The following GABRA2 variants were observed in gnomAD, a reference collection of about 807,000 sequenced individuals.
GABRA2 encodes gamma-aminobutyric acid type A receptor subunit alpha2.
A neutral mutation model predicts 48.7 loss-of-function variants in GABRA2; 16 were observed. That is an observed-to-expected ratio of 0.33 (90% CI 0.22 to 0.50). The LOEUF is 0.50. GABRA2 is among the 20% of genes least tolerant of loss of function. The pLI is 0.98. For synonymous variants in GABRA2, 185 were observed against 184.5 expected (o/e 1.00, Z -0.02); for missense variants, 275 against 535.6 (o/e 0.51, Z 4.80).
At chr4:46,291,805 A>ATG (rs1723715180) in intron 8 of GABRA2, among the ~76,000 whole-genome samples, 2 of 150,432 alleles carry the variant, frequency 1.3e-5, no homozygotes, top group Admixed American at 1.3e-4. Context: ...ATACATATAT[A>ATG]TGTGTATATA....
chr4:46,361,911 T>A (rs148422472), intron 3 of GABRA2, among the ~76,000 whole-genome samples: 39 of 152,358 alleles, frequency 2.6e-4, no homozygotes, highest in African/African-American at 9.4e-4. Context: ...CTGTAGGCCC[T>A]TTGTTTTGGC....
chr4:46,280,717 T>C (rs1721372060), intron 8 of GABRA2, among the ~76,000 whole-genome samples: 1 of 152,196 alleles, frequency 6.6e-6, no homozygotes, highest in African/African-American at 2.4e-5. Context: ...TCTTAACTCC[T>C]CATGTGGCTA....
At chr4:46,263,183 G>A (rs1717408012) in intron 8 of GABRA2, among the ~76,000 whole-genome samples, 2 of 151,902 alleles carry the variant, frequency 1.3e-5, no homozygotes, top group African/African-American at 2.4e-5. Flanking sequence ...TACAAAAAAA[G>A]TTGCTTTTTA....
At chr4:46,387,905 A>G (rs1026161556) in intron 2 of GABRA2, among the ~76,000 whole-genome samples, 1 of 152,160 alleles carries the variant, frequency 6.6e-6, no homozygotes, top group African/African-American at 2.4e-5. Flanking sequence ...TCCTAAAGGC[A>G]TTAAAGAAAA....
intron 3 of GABRA2, chr4:46,367,578 A>G (rs1265711086): frequency 6.6e-6 from 1 of 152,166 alleles, no homozygotes; most frequent in South Asian, 2.1e-4. Context: ...GAAAAAGGGC[A>G]TACAGCACTG....
intron 3 of GABRA2, among the ~76,000 whole-genome samples, chr4:46,342,357 T>C (rs1361232275): frequency 1.3e-5 from 2 of 151,980 alleles, no homozygotes. Context: ...CCATAAGTAT[T>C]TTTCCACAGT....
At chr4:46,265,865 G>A (rs1001871895) in intron 8 of GABRA2, among the ~76,000 whole-genome samples, 6 of 151,874 alleles carry the variant, frequency 4.0e-5, no homozygotes, top group Admixed American at 6.6e-5. Context: ...CATAACATAC[G>A]TTATTTTTTG....
At chr4:46,309,521 A>G (rs1234847077) in intron 6 of GABRA2, among the ~76,000 whole-genome samples, 2 of 151,960 alleles carry the variant, frequency 1.3e-5, no homozygotes, top group Non-Finnish European at 2.9e-5. Flanking sequence ...ATGTGGGCCT[A>G]GGGAGATGAT....
In GABRA2 at chr4:46,246,022, A is replaced by T. The variant is rs1232768746; in HGVS notation, c.*4286T>A. 6.6e-6 allele frequency among the ~76,000 whole-genome samples: 1 copy of T among 151,192 alleles called. No homozygotes were observed. Among genetic ancestry groups the T allele is most frequent in the Non-Finnish European group, 1.5e-5 (1 of 67,430 alleles). On this transcript the variant is annotated 3_prime_UTR_variant, in exon 10 of 10. Transcript: ENST00000381620. ...CAAAATTATGATATATAATATTTAT[A>T]AGTAGATATTGAATAATTTACCTTC...
chr4:46,305,377 G>T (rs279870), intron 7 of GABRA2, among the ~76,000 whole-genome samples, 191 bp downstream of exon 7: 1 of 149,928 alleles, frequency 6.7e-6, no homozygotes. Flanking sequence ...ACTAACCTGC[G>T]CATTGTGCAC....
chr4:46,255,039 C>T (rs1715526503), intron 9 of GABRA2, among the ~76,000 whole-genome samples: 2 of 151,532 alleles, frequency 1.3e-5, no homozygotes, highest in Non-Finnish European at 3.0e-5. Flanking sequence ...ACTTAGTTGC[C>T]ATTTCATGCT....
chr4:46,263,184 T>C (rs1414856979), intron 8 of GABRA2, among the ~76,000 whole-genome samples: 1 of 151,960 alleles, frequency 6.6e-6, no homozygotes, highest in African/African-American at 2.4e-5. Context: ...ACAAAAAAAG[T>C]TGCTTTTTAA....
At chr4:46,352,142 C>T (rs75847023) in intron 3 of GABRA2, among the ~76,000 whole-genome samples, 119 of 152,006 alleles carry the variant, frequency 7.8e-4, no homozygotes, top group African/African-American at 2.7e-3. Flanking sequence ...GAACGTGGGA[C>T]GGTTAGACTT....
intron 8 of GABRA2, among the ~76,000 whole-genome samples, chr4:46,267,523 G>A (rs1443876950): frequency 6.6e-6 from 1 of 151,704 alleles, no homozygotes; most frequent in Non-Finnish European, 1.5e-5. Context: ...TATTTTGGAT[G>A]TCTCATATTC....
chr4:46,368,102 T>C (rs983274388), intron 3 of GABRA2: 2 of 152,048 alleles, frequency 1.3e-5, no homozygotes, highest in South Asian at 4.1e-4. Flanking sequence ...GAGGAAGACA[T>C]AAAAGAGAGC....
intron 8 of GABRA2, among the ~76,000 whole-genome samples, chr4:46,265,306 C>T (rs1339441304): frequency 1.4e-5 from 2 of 146,828 alleles, no homozygotes; most frequent in East Asian, 4.0e-4. Context: ...TCTCAAAGTG[C>T]TGTGATTACA....
chr4:46,379,120 G>C lies in GABRA2; in HGVS notation c.187+6954C>G, dbSNP rs1008579016. Among the ~76,000 whole-genome samples the C allele has an allele frequency of 2.6e-5, 4 of 152,294 alleles. No homozygotes were observed. The East Asian group carries it at 5.8e-4, about 22-fold the overall frequency. ...GGAGTGGGCAAGCAACACACAGTGA[G>C]GTGTATGCAGAAACAATAAGATGCT... On this transcript the variant is annotated intron_variant, in intron 3 of 9. Transcript: ENST00000381620.
chr4:46,309,463 G>A (rs1040452119), intron 6 of GABRA2, among the ~76,000 whole-genome samples: 1 of 152,004 alleles, frequency 6.6e-6, no homozygotes, highest in African/African-American at 2.4e-5. Context: ...CAAGAGGGAG[G>A]CTGCTCAGCT....
intron 9 of GABRA2, among the ~76,000 whole-genome samples, chr4:46,256,614 A>C (rs1715895909): frequency 1.3e-5 from 2 of 151,620 alleles, no homozygotes; most frequent in African/African-American, 2.4e-5. Flanking sequence ...TTTGAAGCTT[A>C]ACTGCTATTG....
Sources: allele counts gnomAD v4.1 joint callset (sites outside exome capture counted in the v4.1 genomes callset), GRCh38; gene constraint gnomAD v4.1.1; transcripts MANE v1.5; gene names NCBI Gene and HGNC (gene_info 2026-07-23, HGNC 2026-07-21).